Variants in MYO1D observed in about 807,000 individuals in gnomAD.
MYO1D encodes unconventional myosin-Id.
Under a neutral mutation model 122.0 loss-of-function variants are expected in MYO1D, and 83 were observed. The ratio of observed to expected loss-of-function variants is 0.68; its 90% CI spans 0.57 to 0.82. MYO1D has a LOEUF of 0.82. Ranked by LOEUF, MYO1D falls within the 40% of genes least tolerant of loss-of-function variation. The probability of loss-of-function intolerance (pLI) is 0.00; values close to 1 mark genes in which losing one functional copy is unlikely to be tolerated. For synonymous variants in MYO1D, 464 were observed against 446.9 expected (o/e 1.04, Z -0.48); for missense variants, 1,157 against 1,269.5 (o/e 0.91, Z 1.35).
intron 21 of MYO1D, among the ~76,000 whole-genome samples, chr17:32,547,429 A>G (rs772785904): frequency 6.6e-6 from 1 of 152,246 alleles, no homozygotes; most frequent in Non-Finnish European, 1.5e-5. Context: ...GTGAGGCTCT[A>G]AGTTAGGTAA....
intron 13 of MYO1D, 34 bp downstream of exon 13, chr17:32,745,177 A>C (rs1454396246): frequency 8.5e-7 from 1 of 1,176,878 alleles, no homozygotes; most frequent in East Asian, 2.4e-5. Context: ...CAATGAGCTT[A>C]ATCTAGAGTT....
chr17:32,670,495 C>A (rs545368863), intron 16 of MYO1D, among the ~76,000 whole-genome samples: 16 of 152,106 alleles, frequency 1.1e-4, no homozygotes, highest in African/African-American at 3.4e-4. Flanking sequence ...ACAGAGAAAT[C>A]CTAGGCAGAC....
intron 21 of MYO1D, among the ~76,000 whole-genome samples, chr17:32,532,257 A>T (rs1304038355): frequency 1.3e-5 from 2 of 152,210 alleles, no homozygotes; most frequent in African/African-American, 4.8e-5. Flanking sequence ...ACCAGAAATG[A>T]TCTGCTTTCT....
intron 21 of MYO1D, chr17:32,518,242 A>G: frequency 5.4e-6 from 1 of 184,024 alleles, no homozygotes; most frequent in Non-Finnish European, 1.2e-5. Flanking sequence ...GCCCTTGTGG[A>G]ACAGTGATGC....
intron 15 of MYO1D, among the ~76,000 whole-genome samples, chr17:32,714,981 C>T (rs1299674170): frequency 6.6e-6 from 1 of 151,522 alleles, no homozygotes. Context: ...AAAAATCAAA[C>T]AACCCCATTA....
intron 14 of MYO1D, among the ~76,000 whole-genome samples, chr17:32,737,961 C>T (rs2089726395): frequency 6.6e-6 from 1 of 152,212 alleles, no homozygotes; most frequent in South Asian, 2.1e-4. Context: ...GTTCCTTTTG[C>T]TGGGCATGCT....
intron 1 of MYO1D, among the ~76,000 whole-genome samples, chr17:32,817,364 T>C (rs1322334605): frequency 2.6e-5 from 4 of 152,228 alleles, no homozygotes; most frequent in African/African-American, 4.8e-5. Flanking sequence ...GATTATTTAA[T>C]GGTTTAGCAA....
chr17:32,709,137 G>A (rs1449822473), intron 16 of MYO1D, among the ~76,000 whole-genome samples: 2 of 152,146 alleles, frequency 1.3e-5, no homozygotes, highest in African/African-American at 4.8e-5. Flanking sequence ...GGAATCTACC[G>A]GGCACCATGT....
intron 21 of MYO1D, among the ~76,000 whole-genome samples, chr17:32,533,986 AAATC>A (rs898545956): frequency 2.6e-5 from 4 of 152,210 alleles, no homozygotes; most frequent in African/African-American, 9.7e-5. Context: ...TTAAATGAGA[AAATC>A]AACTTGTGAA....
intron 20 of MYO1D, chr17:32,627,637 G>A (rs2087945948): frequency 6.6e-6 from 1 of 152,080 alleles, no homozygotes; most frequent in African/African-American, 2.4e-5. Flanking sequence ...CAGAACGAAA[G>A]GAGGTATTTG....
chr17:32,543,818 A>C (rs919300644), intron 21 of MYO1D, among the ~76,000 whole-genome samples: 2 of 151,322 alleles, frequency 1.3e-5, no homozygotes, highest in Non-Finnish European at 2.9e-5. Flanking sequence ...TTTGAGATGG[A>C]GTCTCGCTCT....
intron 21 of MYO1D, among the ~76,000 whole-genome samples, chr17:32,579,263 C>A (rs952596913): frequency 1.3e-5 from 2 of 152,010 alleles, no homozygotes; most frequent in African/African-American, 2.4e-5. Context: ...GAGACAGGGT[C>A]TCACCATGTT....
intron 21 of MYO1D, among the ~76,000 whole-genome samples, chr17:32,542,782 G>A (rs529047930): frequency 1.3e-5 from 2 of 152,228 alleles, no homozygotes; most frequent in East Asian, 3.9e-4. Context: ...AGGCCTGTGG[G>A]AAGCTGCCCT....
chr17:32,867,142 A>G lies in MYO1D; in HGVS notation c.95+9636T>C, dbSNP rs186665893. Among the ~76,000 whole-genome samples, 373 of 152,190 alleles carry G rather than the reference A, an allele frequency of 2.5e-3. 1 individual carries two copies. Among genetic ancestry groups the G allele is most frequent in the African/African-American group, 8.1e-3 (338 of 41,508 alleles). Reference sequence around the variant, plus strand: ...GGAGTTTGAGACCAGCCTGGCCAACATGGTGAAATCCCATCTCTACTAAAA... The same window carrying G: ...GGAGTTTGAGACCAGCCTGGCCAACGTGGTGAAATCCCATCTCTACTAAAA... On this transcript the variant is annotated intron_variant, in intron 1 of 21. Transcript: ENST00000318217.
At chr17:32,833,281 A>G (rs1354489161) in intron 1 of MYO1D, among the ~76,000 whole-genome samples, 1 of 152,186 alleles carries the variant, frequency 6.6e-6, no homozygotes, top group East Asian at 1.9e-4. Context: ...TCTTCAAAGT[A>G]CATACAGAAG....
At chr17:32,722,294 T>C (rs1015773873) in intron 14 of MYO1D, among the ~76,000 whole-genome samples, 10 of 152,240 alleles carry the variant, frequency 6.6e-5, no homozygotes, top group African/African-American at 2.4e-4. Context: ...ATCTAGTATA[T>C]TAAAACAACA....
At position 32,845,079 on chromosome 17, in the gene MYO1D, A is replaced by G. The variant is rs75387760; in HGVS notation, c.95+31699T>C. On this transcript the variant is annotated intron_variant, in intron 1 of 21. Transcript: ENST00000318217. ...AAAATCTGGAAGGCTACACCAAAAC[A>G]TTGTCGATGGCTATTCTGGGTGGTG... Among the ~76,000 whole-genome samples the G allele has an allele frequency of 3.6e-4, 55 of 152,106 alleles. 1 individual carries two copies. The East Asian group carries it at 0.01, about 29-fold the overall frequency.
intron 1 of MYO1D, among the ~76,000 whole-genome samples, chr17:32,831,976 G>T (rs1213164406): frequency 6.6e-6 from 1 of 151,998 alleles, no homozygotes; most frequent in Non-Finnish European, 1.5e-5. Flanking sequence ...ACACACCTGG[G>T]TCCTCATCTC....
At chr17:32,532,396 G>C (rs1286270527) in intron 21 of MYO1D, among the ~76,000 whole-genome samples, 2 of 151,884 alleles carry the variant, frequency 1.3e-5, no homozygotes, top group African/African-American at 4.8e-5. Context: ...GTGACCCACG[G>C]CCTTAAAAGA....
Sources: gnomAD v4.1 joint callset for allele counts (sites outside exome capture counted in the v4.1 genomes callset) on GRCh38, gnomAD v4.1.1 for gene constraint, MANE v1.5 for transcripts, NCBI Gene and HGNC (gene_info 2026-07-23, HGNC 2026-07-21) for gene names.